DLG2: variants seen among roughly 807,000 people sequenced by gnomAD.
The protein encoded by DLG2 is disks large homolog 2.
Under a neutral mutation model 132.5 loss-of-function variants are expected in DLG2, and 45 were observed. That is an observed-to-expected ratio of 0.34 (90% CI 0.27 to 0.44). DLG2 has a LOEUF of 0.44. DLG2 is among the 20% of genes least tolerant of loss of function. The pLI, the probability that DLG2 is intolerant of heterozygous loss-of-function variation, is 1.00. For synonymous variants in DLG2, 424 were observed against 419.6 expected (o/e 1.01, Z -0.13); for missense variants, 1,045 against 1,196.9 (o/e 0.87, Z 1.87).
intron 6 of DLG2, among the ~76,000 whole-genome samples, chr11:84,892,798 C>T (rs966230420): frequency 2.6e-5 from 4 of 151,994 alleles, no homozygotes; most frequent in African/African-American, 9.7e-5. Flanking sequence ...TCAAAATTCC[C>T]ACATGCCCTT....
chr11:83,670,865 G>C (rs1472797792), intron 18 of DLG2, among the ~76,000 whole-genome samples: 1 of 151,982 alleles, frequency 6.6e-6, no homozygotes, highest in Non-Finnish European at 1.5e-5. Context: ...GAAGTGATTT[G>C]ATTAAAATAT....
chr11:84,446,982 TTAAC>T (rs1369561065), intron 7 of DLG2, among the ~76,000 whole-genome samples: 2 of 152,200 alleles, frequency 1.3e-5, no homozygotes, highest in African/African-American at 2.4e-5. Context: ...ACTAGATCAT[TTAAC>T]TAGCCTGCAA....
At chr11:83,885,691 C>A (rs2067650437) in intron 15 of DLG2, among the ~76,000 whole-genome samples, 1 of 152,068 alleles carries the variant, frequency 6.6e-6, no homozygotes, top group Non-Finnish European at 1.5e-5. Context: ...TTAAGGGCAG[C>A]CAGAGAGAAA....
At chr11:84,195,079 G>A (rs1218047080) in intron 8 of DLG2, among the ~76,000 whole-genome samples, 2 of 152,230 alleles carry the variant, frequency 1.3e-5, no homozygotes, top group South Asian at 2.1e-4. Flanking sequence ...TGGCCAGAAT[G>A]GATGCTGTGG....
intron 3 of DLG2, among the ~76,000 whole-genome samples, chr11:85,521,608 A>C (rs2074316526): frequency 1.3e-5 from 2 of 151,330 alleles, no homozygotes; most frequent in South Asian, 4.2e-4. Context: ...AGAACAAGAC[A>C]AAAAAAAATG....
intron 5 of DLG2, among the ~76,000 whole-genome samples, chr11:85,129,353 G>T (rs1234672256): frequency 1.3e-5 from 2 of 152,186 alleles, no homozygotes; most frequent in Non-Finnish European, 2.9e-5. Flanking sequence ...GAGCTCTTAA[G>T]ACTTTAAACA....
chr11:85,438,381 T>C (rs963515619), intron 3 of DLG2, among the ~76,000 whole-genome samples: 2 of 152,200 alleles, frequency 1.3e-5, no homozygotes, highest in African/African-American at 4.8e-5. Flanking sequence ...TTTTCTTGTC[T>C]TTATTTTCTA....
At chr11:85,483,949 T>A (rs911334452) in intron 3 of DLG2, among the ~76,000 whole-genome samples, 1 of 144,626 alleles carries the variant, frequency 6.9e-6, no homozygotes, top group Non-Finnish European at 1.5e-5. Context: ...GTATATACAA[T>A]ATAAAAAGAT....
At chr11:83,972,401 C>A (rs908563906) in intron 12 of DLG2, among the ~76,000 whole-genome samples, 1 of 152,034 alleles carries the variant, frequency 6.6e-6, no homozygotes. Flanking sequence ...AAGTAGCATA[C>A]GAATAGAAAT....
At chr11:85,341,067 C>T (rs1384231643) in intron 3 of DLG2, among the ~76,000 whole-genome samples, 6 of 152,024 alleles carry the variant, frequency 3.9e-5, no homozygotes, top group African/African-American at 1.4e-4. Flanking sequence ...CATTGATTCT[C>T]TGAGGTAGAA....
chr11:85,540,821 C>T (rs1401418717), intron 3 of DLG2, among the ~76,000 whole-genome samples: 1 of 152,254 alleles, frequency 6.6e-6, no homozygotes, highest in Admixed American at 6.5e-5. Context: ...CATCTGTATG[C>T]TCCCCCTAGG....
At chr11:84,708,618 A>G (rs2060033810) in intron 6 of DLG2, among the ~76,000 whole-genome samples, 1 of 151,810 alleles carries the variant, frequency 6.6e-6, no homozygotes, top group Non-Finnish European at 1.5e-5. Flanking sequence ...CCTTCAGCCA[A>G]AACAGGCATC....
chr11:85,396,205 T>A (rs1025128612), intron 3 of DLG2, among the ~76,000 whole-genome samples: 10 of 152,024 alleles, frequency 6.6e-5, no homozygotes, highest in African/African-American at 2.4e-4. Flanking sequence ...GAAGGAAAAC[T>A]AACAAACAGA....
At chr11:84,547,717 C>T (rs79001636) in intron 6 of DLG2, among the ~76,000 whole-genome samples, 1,539 of 152,226 alleles carry the variant, frequency 0.01, 21 homozygotes, top group African/African-American at 0.034. Flanking sequence ...GAGAATCCCT[C>T]TTTTTTCTCA....
At chr11:84,979,024 T>G (rs186964746) in intron 6 of DLG2, among the ~76,000 whole-genome samples, 103 of 152,108 alleles carry the variant, frequency 6.8e-4, no homozygotes, top group African/African-American at 2.1e-3. Flanking sequence ...CTTCTCAAAA[T>G]AAGACATTTA....
chr11:84,681,081 T>A (rs191802645), intron 6 of DLG2, among the ~76,000 whole-genome samples: 1 of 152,210 alleles, frequency 6.6e-6, no homozygotes, highest in Non-Finnish European at 1.5e-5. Flanking sequence ...TATGACTTCA[T>A]TGAAATGAGT....
intron 6 of DLG2, chr11:85,020,952 G>C (rs1179189263): frequency 3.9e-6 from 3 of 776,740 alleles, no homozygotes; most frequent in Non-Finnish European, 7.2e-6. Flanking sequence ...CTTCACATTA[G>C]TCTCATCTTT....
chr11:84,144,952 T>C (rs1226789938), intron 9 of DLG2, among the ~76,000 whole-genome samples: 1 of 152,208 alleles, frequency 6.6e-6, no homozygotes, highest in Non-Finnish European at 1.5e-5. Context: ...GACCCAGGTA[T>C]TATTCAGATG....
In DLG2 at chr11:83,473,301, G is replaced by A. The variant is rs2092286610; in HGVS notation, c.2294-524C>T. On this transcript the variant is annotated intron_variant, in intron 22 of 27. Coordinates refer to ENST00000376104, the MANE Select transcript of DLG2 (RefSeq NM_001142699.3). ...AATATTAATTCGTCAGGAAAATGCTGTGGGTCAATTAATGAAGATCAAAAA... is the reference window on the plus strand; with the variant it reads ...AATATTAATTCGTCAGGAAAATGCTATGGGTCAATTAATGAAGATCAAAAA... Among the ~76,000 whole-genome samples, 3 of 152,122 alleles carry A rather than the reference G, an allele frequency of 2.0e-5. No individual in the cohort carries two copies. In the South Asian group the frequency reaches 6.2e-4, roughly 32 times the overall value.
Sources: gnomAD v4.1 joint callset for allele counts (sites outside exome capture counted in the v4.1 genomes callset) on GRCh38, gnomAD v4.1.1 for gene constraint, MANE v1.5 for transcripts, NCBI Gene and HGNC (gene_info 2026-07-23, HGNC 2026-07-21) for gene names.